GPC5: variants seen among roughly 807,000 people sequenced by gnomAD.
GPC5 encodes glypican-5.
GPC5 carries 47 observed loss-of-function variants against 53.9 expected under a neutral mutation model. That is an observed-to-expected ratio of 0.87 (90% confidence interval 0.69 to 1.11). The LOEUF (loss-of-function observed/expected upper bound fraction) is 1.11, where lower values mean the gene tolerates loss of function less well. GPC5 is among the 50% of genes most tolerant of loss of function. GPC5 has a pLI of 0.00. For missense variants in GPC5, 748 were observed against 713.1 expected, an observed-to-expected ratio of 1.05 and a Z score of -0.56; for synonymous variants, 286 against 263.3, an observed-to-expected ratio of 1.09 and a Z score of -0.84.
At chr13:91,691,638 C>G (rs2035759669) in intron 2 of GPC5, among the ~76,000 whole-genome samples, 1 of 152,168 alleles carries the variant, frequency 6.6e-6, no homozygotes, top group Non-Finnish European at 1.5e-5. Context: ...ATATCTCACA[C>G]TAAAGCCTGG....
At chr13:92,360,085 C>A (rs78671366) in intron 7 of GPC5, among the ~76,000 whole-genome samples, 7 of 151,622 alleles carry the variant, frequency 4.6e-5, no homozygotes, top group Admixed American at 4.6e-4. Flanking sequence ...TTAATTAGAT[C>A]GCATTTTGTC....
chr13:92,026,707 G>A (rs1353154235), intron 6 of GPC5, among the ~76,000 whole-genome samples: 1 of 151,998 alleles, frequency 6.6e-6, no homozygotes, highest in Non-Finnish European at 1.5e-5. Flanking sequence ...CTCTTATCAG[G>A]ATTAATGAAA....
intron 7 of GPC5, among the ~76,000 whole-genome samples, chr13:92,851,758 G>A (rs543747494): frequency 1.3e-5 from 2 of 151,456 alleles, no homozygotes; most frequent in South Asian, 4.2e-4. Context: ...GCGTGGTGGT[G>A]GGTGCCTGTA....
chr13:92,206,366 C>A (rs2042337519), intron 7 of GPC5, among the ~76,000 whole-genome samples: 2 of 150,636 alleles, frequency 1.3e-5, no homozygotes, highest in Non-Finnish European at 3.0e-5. Context: ...GGGGTTTCAC[C>A]ATGTTAGCCA....
rs553362643 is a variant in GPC5, at chr13:92,753,523, A to C, written c.1562-112759A>C. On this transcript the variant is annotated intron_variant, in intron 7 of 7. Coordinates refer to ENST00000377067, the MANE Select transcript of GPC5 (RefSeq NM_004466.6). The stretch of plus-strand genomic sequence containing the variant: ...GAGAGAAGAAGGCTTCAGACGATCA[A>C]ATTACTCTGAGCTATGGGAGGACAT... 3.3e-5 allele frequency among the ~76,000 whole-genome samples: 5 copies of C among 152,308 alleles called. No homozygotes were observed. The East Asian group carries it at 9.6e-4, about 29-fold the overall frequency.
chr13:92,525,093 C>G (rs865944343), intron 7 of GPC5, among the ~76,000 whole-genome samples: 23 of 152,158 alleles, frequency 1.5e-4, no homozygotes, highest in Middle Eastern at 3.4e-3. Context: ...ACTGAAAGGC[C>G]ATACCATCGC....
At chr13:91,799,777 C>A (rs1310877651) in intron 5 of GPC5, among the ~76,000 whole-genome samples, 1 of 152,122 alleles carries the variant, frequency 6.6e-6, no homozygotes, top group African/African-American at 2.4e-5. Context: ...TAGATTCTAG[C>A]TAACATGATT....
intron 6 of GPC5, among the ~76,000 whole-genome samples, chr13:92,100,700 G>C (rs1415768736): frequency 6.6e-6 from 1 of 152,112 alleles, no homozygotes; most frequent in South Asian, 2.1e-4. Context: ...GGATATTGTA[G>C]TCCACTGTCA....
chr13:91,548,117 G>A (rs2030403158), intron 2 of GPC5, among the ~76,000 whole-genome samples: 1 of 152,074 alleles, frequency 6.6e-6, no homozygotes, highest in Non-Finnish European at 1.5e-5. Context: ...TCATAGCTAA[G>A]GCAATAATAC....
At chr13:92,016,195 G>C (rs1047753368) in intron 6 of GPC5, among the ~76,000 whole-genome samples, 3 of 152,202 alleles carry the variant, frequency 2.0e-5, no homozygotes, top group African/African-American at 7.2e-5. Context: ...ACTTTTGGTG[G>C]AAAGGGTAGC....
chr13:92,600,203 A>G (rs1308175938), intron 7 of GPC5, among the ~76,000 whole-genome samples: 1 of 152,166 alleles, frequency 6.6e-6, no homozygotes, highest in Non-Finnish European at 1.5e-5. Flanking sequence ...TTTCTCCAAC[A>G]GTACAACCGT....
intron 7 of GPC5, among the ~76,000 whole-genome samples, chr13:92,222,891 T>C (rs1035873605): frequency 2.6e-5 from 4 of 152,200 alleles, no homozygotes; most frequent in African/African-American, 9.6e-5. Context: ...TATAATAGTT[T>C]GATGGCAAAT....
At chr13:92,491,507 A>G (rs1879760396) in intron 7 of GPC5, among the ~76,000 whole-genome samples, 1 of 152,168 alleles carries the variant, frequency 6.6e-6, no homozygotes, top group Non-Finnish European at 1.5e-5. Flanking sequence ...ATGGTAAAGC[A>G]AAGATTTTCT....
chr13:92,675,367 A>T (rs1177744954), intron 7 of GPC5, among the ~76,000 whole-genome samples: 1 of 152,106 alleles, frequency 6.6e-6, no homozygotes, highest in African/African-American at 2.4e-5. Flanking sequence ...CTAGTATACC[A>T]TTGCTCATTG....
At chr13:91,902,017 T>C (rs1347563042) in intron 5 of GPC5, among the ~76,000 whole-genome samples, 1 of 152,076 alleles carries the variant, frequency 6.6e-6, no homozygotes, top group Non-Finnish European at 1.5e-5. Context: ...CTACTATTAA[T>C]GATTTATTCT....
Position 92,361,376 on chromosome 13 carries a change from C to G in GPC5, c.1561+216387C>G, listed in dbSNP as rs746703367. Among the ~76,000 whole-genome samples, 9 of 151,754 alleles carry G rather than the reference C, an allele frequency of 5.9e-5. No individual in the cohort carries two copies. The South Asian group carries it at 6.2e-4, about 10-fold the overall frequency. Reference sequence around the variant, plus strand: ...CTGGACCCGGTCATTTAGCTTGTCACTGACTTGGCCTCCTATTCTGGAAAG... The same window carrying G: ...CTGGACCCGGTCATTTAGCTTGTCAGTGACTTGGCCTCCTATTCTGGAAAG... On this transcript the variant is annotated intron_variant, in intron 7 of 7. Coordinates refer to ENST00000377067, the MANE Select transcript of GPC5 (RefSeq NM_004466.6).
intron 5 of GPC5, among the ~76,000 whole-genome samples, chr13:91,895,388 G>A (rs892333135): frequency 2.6e-5 from 4 of 152,176 alleles, no homozygotes; most frequent in African/African-American, 9.6e-5. Flanking sequence ...AAGAAAAAAT[G>A]AGGAAGACTA....
At chr13:92,083,693 T>C (rs2041314646) in intron 6 of GPC5, among the ~76,000 whole-genome samples, 1 of 152,234 alleles carries the variant, frequency 6.6e-6, no homozygotes, top group African/African-American at 2.4e-5. Context: ...TCTGGGTATA[T>C]ACCCAGTAAT....
At chr13:92,289,313 G>A (rs2042978057) in intron 7 of GPC5, among the ~76,000 whole-genome samples, 1 of 151,262 alleles carries the variant, frequency 6.6e-6, no homozygotes, top group Non-Finnish European at 1.5e-5. Context: ...AACAGCCCTT[G>A]CTTAAGTATT....
Sources: allele counts gnomAD v4.1 joint callset (sites outside exome capture counted in the v4.1 genomes callset), GRCh38; gene constraint gnomAD v4.1.1; transcripts MANE v1.5; gene names NCBI Gene and HGNC (gene_info 2026-07-23, HGNC 2026-07-21).